RAP1A: variants seen among roughly 807,000 people sequenced by gnomAD.
The protein encoded by RAP1A is ras-related protein Rap-1A.
A neutral mutation model predicts 26.4 loss-of-function variants in RAP1A; 6 were observed. That is an observed-to-expected ratio of 0.23 (90% CI 0.12 to 0.45). RAP1A has a LOEUF of 0.45. Among genes scored for constraint, RAP1A ranks in the 20% least tolerant of loss-of-function variants. The pLI is 0.99. For missense variants in RAP1A, 121 were observed against 217.2 expected (o/e 0.56, Z 2.78); for synonymous variants, 73 against 79.4 (o/e 0.92, Z 0.43).
chr1:111,543,477 C>A lies in RAP1A; in HGVS notation c.-28+968C>A, dbSNP rs539572774. On this transcript the variant is annotated intron_variant, in intron 1 of 7. Coordinates refer to the RAP1A transcript ENST00000356415. ...AACATAATTGGGTCATATCACTCTT[C>A]TGCTGAAAACTCCCAATGGAGAGTA... Among the ~76,000 whole-genome samples the A allele has an allele frequency of 1.6e-4, 24 of 152,286 alleles. 1 individual carries two copies. Among genetic ancestry groups the A allele is most frequent in the African/African-American group, 5.8e-4 (24 of 41,564 alleles).
chr1:111,671,097 A>G (rs975628674), intron 1 of RAP1A, among the ~76,000 whole-genome samples: 1 of 152,222 alleles, frequency 6.6e-6, no homozygotes, highest in Non-Finnish European at 1.5e-5. Context: ...CTTTTAATAC[A>G]TAAGGAAGAT....
chr1:111,605,777 TG>T (rs763205914), intron 1 of RAP1A, among the ~76,000 whole-genome samples: 23 of 152,232 alleles, frequency 1.5e-4, no homozygotes, highest in Non-Finnish European at 2.9e-4. Flanking sequence ...GCCACAGCTT[TG>T]GCTTGCTCAG....
chr1:111,675,638 T>G (rs1324266997), intron 1 of RAP1A, among the ~76,000 whole-genome samples: 1 of 152,250 alleles, frequency 6.6e-6, no homozygotes, highest in Non-Finnish European at 1.5e-5. Context: ...TTTTCATTTT[T>G]GTTTCCTTGA....
At chr1:111,562,406 G>A (rs1238147491) in intron 1 of RAP1A, among the ~76,000 whole-genome samples, 2 of 152,098 alleles carry the variant, frequency 1.3e-5, no homozygotes, top group Non-Finnish European at 2.9e-5. Context: ...TTGTCTGTGT[G>A]GTTAAATTAA....
intron 1 of RAP1A, among the ~76,000 whole-genome samples, chr1:111,666,522 G>A (rs918151418): frequency 6.6e-6 from 1 of 151,948 alleles, no homozygotes; most frequent in Non-Finnish European, 1.5e-5. Context: ...AGATCACATT[G>A]CAGATATTCT....
intron 1 of RAP1A, among the ~76,000 whole-genome samples, chr1:111,606,319 A>G (rs1658776020): frequency 6.6e-6 from 1 of 151,194 alleles, no homozygotes; most frequent in South Asian, 2.1e-4. Flanking sequence ...TTCTCGTCAT[A>G]TTTCAGGATG....
At chr1:111,578,434 A>G (rs1658187185) in intron 1 of RAP1A, among the ~76,000 whole-genome samples, 1 of 152,144 alleles carries the variant, frequency 6.6e-6, no homozygotes, top group Admixed American at 6.5e-5. Context: ...TTGGTCAGAC[A>G]TATGGGTGTT....
At chr1:111,584,557 AAAGGTACCGCCTCTT>A (rs1459010835) in intron 1 of RAP1A, among the ~76,000 whole-genome samples, 3 of 152,104 alleles carry the variant, frequency 2.0e-5, no homozygotes, top group Admixed American at 6.5e-5. Context: ...ATCACTTCCC[AAAGGTACCGCCTCTT>A]AATACTATTA....
intron 1 of RAP1A, among the ~76,000 whole-genome samples, chr1:111,627,224 A>G (rs758247728): frequency 2.6e-5 from 4 of 152,164 alleles, no homozygotes; most frequent in Non-Finnish European, 5.9e-5. Context: ...ATACTTTAAT[A>G]TACATTTTTC....
intron 1 of RAP1A, among the ~76,000 whole-genome samples, chr1:111,563,124 C>T (rs547028661): frequency 6.6e-6 from 1 of 152,194 alleles, no homozygotes; most frequent in African/African-American, 2.4e-5. Flanking sequence ...AAACCCAATA[C>T]TGAGGCTGGG....
chr1:111,582,578 T>C (rs1046560412), intron 1 of RAP1A, among the ~76,000 whole-genome samples: 2 of 152,212 alleles, frequency 1.3e-5, no homozygotes, highest in African/African-American at 4.8e-5. Context: ...AAGTGAGTTA[T>C]GGATTAATTT....
intron 4 of RAP1A, among the ~76,000 whole-genome samples, chr1:111,700,357 A>G (rs1029427181): frequency 2.0e-5 from 3 of 152,216 alleles, no homozygotes; most frequent in African/African-American, 7.2e-5. Flanking sequence ...CAGGAAGCTT[A>G]CAATCATAGT....
intron 1 of RAP1A, among the ~76,000 whole-genome samples, chr1:111,573,840 T>C (rs1658096314): frequency 6.6e-6 from 1 of 152,206 alleles, no homozygotes. Flanking sequence ...AAGTCCCTTA[T>C]AGATGCTGGA....
chr1:111,611,673 C>T (rs1015516741), intron 1 of RAP1A, among the ~76,000 whole-genome samples: 4 of 140,138 alleles, frequency 2.9e-5, no homozygotes, highest in African/African-American at 8.0e-5. Context: ...AAGCTCAGAA[C>T]GGTTAAATAA....
intron 1 of RAP1A, among the ~76,000 whole-genome samples, chr1:111,688,683 T>G (rs866037036): frequency 6.6e-6 from 1 of 152,146 alleles, no homozygotes; most frequent in African/African-American, 2.4e-5. Context: ...TTGTAAGATT[T>G]TCTGGTTTTG....
intron 7 of RAP1A, among the ~76,000 whole-genome samples, chr1:111,711,397 A>G (rs1662381665): frequency 6.6e-6 from 1 of 152,206 alleles, no homozygotes. Context: ...CTCCTGGCCT[A>G]TTACGATTTT....
intron 1 of RAP1A, among the ~76,000 whole-genome samples, chr1:111,604,977 A>G (rs1188795237): frequency 6.6e-6 from 1 of 152,202 alleles, no homozygotes; most frequent in Non-Finnish European, 1.5e-5. Context: ...TTAGTGTGAC[A>G]ATTCTCCATT....
chr1:111,580,892 A>C (rs1446012108), intron 1 of RAP1A, among the ~76,000 whole-genome samples: 1 of 151,298 alleles, frequency 6.6e-6, no homozygotes, highest in East Asian at 1.9e-4. Context: ...AAAACAGAAT[A>C]GACCCCTAGA....
intron 1 of RAP1A, among the ~76,000 whole-genome samples, chr1:111,643,228 G>A (rs1659949835): frequency 6.6e-6 from 1 of 152,112 alleles, no homozygotes; most frequent in Non-Finnish European, 1.5e-5. Context: ...AACACTGAAG[G>A]TGTCCTTAAA....
Sources: allele counts gnomAD v4.1 joint callset (sites outside exome capture counted in the v4.1 genomes callset), GRCh38; gene constraint gnomAD v4.1.1; transcripts MANE v1.5; gene names NCBI Gene and HGNC (gene_info 2026-07-23, HGNC 2026-07-21).